The following ARL5C variants were observed in gnomAD, a reference collection of about 807,000 sequenced individuals.
ARL5C encodes the protein putative ADP-ribosylation factor-like protein 5C.
A neutral mutation model predicts 20.8 loss-of-function variants in ARL5C; 21 were observed. The ratio of observed to expected loss-of-function variants is 1.01; its 90% CI spans 0.72 to 1.46. The LOEUF (loss-of-function observed/expected upper bound fraction) is 1.46. Among genes scored for constraint, ARL5C ranks in the 40% most tolerant of loss-of-function variants. The pLI, the probability that ARL5C is intolerant of heterozygous loss-of-function variation, is 0.00. For synonymous variants in ARL5C, 71 were observed against 81.6 expected, an observed-to-expected ratio of 0.87 and a Z score of 0.70; for missense variants, 199 against 225.1, an observed-to-expected ratio of 0.88 and a Z score of 0.74.
intron 1 of ARL5C, 74 bp from the exon 2 acceptor site, chr17:39,165,213 TC>T: frequency 6.9e-7 from 1 of 1,456,914 alleles, no homozygotes. Context: ...CCACCAGACC[TC>T]CCAGGAAGGA....
chr17:39,165,994 A>G lies in ARL5C; in HGVS notation c.-234T>C. ...TGCCTGTCCCGGGCCCAAGAGGTGC[A>G]AGGAATATGGGGGTTCCAGGCTCCA... On this transcript the variant is annotated 5_prime_UTR_variant, in exon 1 of 6. Coordinates refer to ENST00000269586, the MANE Select transcript of ARL5C (RefSeq NM_001143968.1). 1.7e-6 allele frequency: 1 copy of G among 571,926 alleles called. No individual in the cohort carries two copies. Among genetic ancestry groups the G allele is most frequent in the Non-Finnish European group, 3.1e-6 (1 of 319,964 alleles). 35.4% of individuals were successfully genotyped at this position (571,926 alleles called of 1,614,324 possible). A position where few individuals can be genotyped will look rare whatever the true frequency, so the allele number is the denominator to read the frequency against.
chr17:39,162,994 GC>G, intron 2 of ARL5C, 136 bp from the exon 3 acceptor site: 1 of 1,041,448 alleles, frequency 9.6e-7, no homozygotes, highest in Non-Finnish European at 1.4e-6. Flanking sequence ...CCTGCTCGGA[GC>G]CAGGCCCCGT....
chr17:39,156,907 G>A lies in ARL5C; in HGVS notation c.527C>T (p.Ala176Val), dbSNP rs1464602889. Residue 176 changes from alanine (A) to valine (V), a missense_variant, in exon 6 of 6, where the codon GCC (alanine) becomes GTC (valine). Ala to Val is a moderately conservative substitution (Grantham distance 64, BLOSUM62 0). Coordinates refer to ENST00000269586, the MANE Select transcript of ARL5C (RefSeq NM_001143968.1). ...PARLQWMESQAAAN is the reference protein window; with the variant it reads ...PARLQWMESQVAAN ...CAGACTGGAACATCAGTTAGCAGCG[G>A]CCTGAGATTCCATCCACTGAAGTCT... 6.4e-7 allele frequency: 1 copy of A among 1,551,872 alleles called. No homozygotes were observed. Among genetic ancestry groups the A allele is most frequent in the Admixed American group, 2.0e-5 (1 of 51,002 alleles).
At chr17:39,161,877 G>C (rs1178036016) in intron 3 of ARL5C, among the ~76,000 whole-genome samples, 1 of 152,206 alleles carries the variant, frequency 6.6e-6, no homozygotes, top group Non-Finnish European at 1.5e-5. Flanking sequence ...GGCAGAGGCT[G>C]TGCTACATAA....
At position 39,159,021 on chromosome 17, in the gene ARL5C, TG is replaced by T. The variant is rs1342059555; in HGVS notation, c.491+1569del. On this transcript the variant is annotated intron_variant, in intron 5 of 5. Transcript: ENST00000269586. ...TTTATTCACCTTATCATTTATCACT[TG>T]TTTTTTTTTTTTTTTTTTTTTTTTT... Among the ~76,000 whole-genome samples the T allele has an allele frequency of 2.9e-3, 326 of 114,352 alleles. 15 individuals are homozygous for T. The highest frequency in any genetic ancestry group is 8.8e-3 in the African/African-American group (211 of 23,898). The allele number at this position is 114,352 out of a possible 152,430, so 75.0% of individuals were successfully genotyped here. A position where few individuals can be genotyped will look rare whatever the true frequency, so the allele number is the denominator to read the frequency against.
At chr17:39,158,763 ACC>A (rs1386213244) in intron 5 of ARL5C, among the ~76,000 whole-genome samples, 2 of 152,016 alleles carry the variant, frequency 1.3e-5, no homozygotes, top group Non-Finnish European at 2.9e-5. Flanking sequence ...CTCAATATCT[ACC>A]TGCTTAGTGT....
At position 39,165,782 on chromosome 17, in the gene ARL5C, G is replaced by A; in HGVS notation, c.-22C>T. On this transcript the variant is annotated 5_prime_UTR_variant, in exon 1 of 6. Transcript: ENST00000269586. ...CCATGGCACTTCCCGGGCCGGACAG[G>A]TGCAGGAGGGCTCAGCGGCCTCAGG... The A allele has an allele frequency of 6.4e-7, 1 of 1,551,732 alleles. No homozygotes were observed. Among genetic ancestry groups the A allele is most frequent in the East Asian group, 2.4e-5 (1 of 41,054 alleles).
rs117098889 is a variant in ARL5C, at chr17:39,159,274, G to A, written c.491+1317C>T. Among the ~76,000 whole-genome samples, 46 of 135,038 alleles carry A rather than the reference G, an allele frequency of 3.4e-4. No homozygotes were observed. In the East Asian group the frequency reaches 5.7e-3, roughly 17 times the overall value. The allele number at this position is 135,038 out of a possible 152,430, so 88.6% of individuals were successfully genotyped here. On this transcript the variant is annotated intron_variant, in intron 5 of 5. Transcript: ENST00000269586. ...GCTTTTCTCAAACTCCTGGCCTCAA[G>A]CCGTTTACCATTTTCTTTCTTTCTT...
chr17:39,159,297 CTTTTT>C (rs71141776), intron 5 of ARL5C, among the ~76,000 whole-genome samples: 1 of 111,822 alleles, frequency 8.9e-6, no homozygotes. Context: ...TTCTTTCTTT[CTTTTT>C]TTTTTTTTTT....
intron 5 of ARL5C, among the ~76,000 whole-genome samples, chr17:39,159,019 CTTGTTTT>C (rs2045420609): frequency 3.1e-5 from 2 of 63,960 alleles, no homozygotes; most frequent in Non-Finnish European, 6.4e-5. Context: ...TCATTTATCA[CTTGTTTT>C]TTTTTTTTTT....
Position 39,160,662 on chromosome 17 carries a change from A to G in ARL5C, c.420T>C (p.His140=). 6.5e-7 allele frequency: 1 copy of G among 1,550,066 alleles called. No homozygotes were observed. The highest frequency in any genetic ancestry group is 8.7e-7 in the Non-Finnish European group (1 of 1,146,316). The part of the protein sequence containing the change: ...KDSMRMVEIS[H]FLTLSTIKDH... ...CTTTGATGGTGCTGAGAGTAAGGAA[A>G]TGGGAGATCTCCACCATCCTCATGG... is the stretch of plus-strand genomic sequence containing the variant. Residue 140 remains histidine, a synonymous_variant, in exon 5 of 6, where the codon CAT becomes CAC. Coordinates refer to ENST00000269586, the MANE Select transcript of ARL5C (RefSeq NM_001143968.1).
chr17:39,161,400 T>A (rs2045434357), intron 3 of ARL5C, 49 bp from the exon 4 acceptor site: 3 of 1,515,248 alleles, frequency 2.0e-6, no homozygotes, highest in Non-Finnish European at 2.7e-6. Context: ...CTTTGGTAAA[T>A]GTGTTTCCTG....
chr17:39,165,503 C>T, intron 1 of ARL5C: 2 of 621,342 alleles, frequency 3.2e-6, no homozygotes. Context: ...AAAGGAGGGT[C>T]GCCCAGCTTT....
At chr17:39,158,494 T>C (rs2144040740) in intron 5 of ARL5C, among the ~76,000 whole-genome samples, 1 of 151,994 alleles carries the variant, frequency 6.6e-6, no homozygotes, top group African/African-American at 2.4e-5. Flanking sequence ...GCGCCTGTAG[T>C]CCCAGCTACT....
chr17:39,161,442 G>C, intron 3 of ARL5C, 91 bp from the exon 4 acceptor site: 1 of 1,101,088 alleles, frequency 9.1e-7, no homozygotes, highest in Non-Finnish European at 1.3e-6. Context: ...TCTCTGCACT[G>C]CCCAGATGTC....
At chr17:39,161,543 T>C (rs1239079348) in intron 3 of ARL5C, among the ~76,000 whole-genome samples, 192 bp from the exon 4 acceptor site, 1 of 150,696 alleles carries the variant, frequency 6.6e-6, no homozygotes, top group East Asian at 1.9e-4. Flanking sequence ...AGGCGGAGTC[T>C]CGCTCTGTCA....
intron 5 of ARL5C, among the ~76,000 whole-genome samples, chr17:39,158,953 C>T (rs118161229): frequency 0.031 from 4,654 of 150,574 alleles, 82 homozygotes; most frequent in Non-Finnish European, 0.036. Context: ...GCTAGAACTA[C>T]AGGCATGAAC....
At chr17:39,163,743 C>T (rs193209947) in intron 2 of ARL5C, among the ~76,000 whole-genome samples, 2 of 144,964 alleles carry the variant, frequency 1.4e-5, no homozygotes, top group African/African-American at 5.2e-5. Context: ...CTCTCTCTGT[C>T]GCCCAGGTTG....
intron 2 of ARL5C, 21 bp from the exon 3 acceptor site, chr17:39,162,879 AC>A (rs1366382306): frequency 1.9e-6 from 3 of 1,548,588 alleles, no homozygotes; most frequent in Non-Finnish European, 2.6e-6. Context: ...AGGAGTGGGC[AC>A]CAAGAGCTCA....
Sources: gnomAD v4.1 joint callset for allele counts (sites outside exome capture counted in the v4.1 genomes callset) on GRCh38, gnomAD v4.1.1 for gene constraint, MANE v1.5 for transcripts, NCBI Gene and HGNC (gene_info 2026-07-23, HGNC 2026-07-21) for gene names.